TLCD4: variants seen among roughly 807,000 people sequenced by gnomAD.
TLCD4 encodes the protein TLC domain-containing protein 4.
A neutral mutation model predicts 24.2 loss-of-function variants in TLCD4; 7 were observed. The observed-to-expected ratio is 0.29, with a 90% confidence interval of 0.16 to 0.54. TLCD4 has a LOEUF of 0.54. Among genes scored for constraint, TLCD4 ranks in the 20% least tolerant of loss-of-function variants. The pLI, the probability that TLCD4 is intolerant of heterozygous loss-of-function variation, is 0.95. For missense variants in TLCD4, 259 were observed against 313.9 expected (o/e 0.82, Z 1.32); for synonymous variants, 103 against 106.4 (o/e 0.97, Z 0.20).
intron 6 of TLCD4, among the ~76,000 whole-genome samples, chr1:95,190,466 T>C (rs552417997): frequency 1.3e-5 from 2 of 152,216 alleles, no homozygotes; most frequent in African/African-American, 4.8e-5. Context: ...GTAGCTGGGA[T>C]TACAGGTGCC....
chr1:95,137,940 G>A (rs1336904999), intron 1 of TLCD4, among the ~76,000 whole-genome samples: 2 of 152,000 alleles, frequency 1.3e-5, no homozygotes, highest in African/African-American at 4.8e-5. Flanking sequence ...TCTTGTTAAT[G>A]TTGTCCAGGC....
At chr1:95,179,678 C>T (rs1187123840) in intron 6 of TLCD4, among the ~76,000 whole-genome samples, 2 of 152,102 alleles carry the variant, frequency 1.3e-5, no homozygotes, top group African/African-American at 2.4e-5. Context: ...AAATATGTAG[C>T]TTCCTTGGTT....
rs780541644 is a variant in TLCD4 at position 95,193,376 on chromosome 1, A to G, written c.*1508A>G. 6.6e-6 allele frequency: 1 copy of G among 152,122 alleles called. No homozygotes were observed. Among genetic ancestry groups the G allele is most frequent in the Non-Finnish European group, 1.5e-5 (1 of 67,966 alleles). 9.4% of individuals were successfully genotyped at this position (152,122 alleles called of 1,614,324 possible). On this transcript the variant is annotated 3_prime_UTR_variant, in exon 7 of 7. Transcript: ENST00000370203. ...ATTCTTGCAATCCAAATATAGAATT[A>G]TATATTTATCTATTATTGCCTTTAT...
chr1:95,133,349 C>T (rs558074725), intron 1 of TLCD4, among the ~76,000 whole-genome samples: 51 of 150,350 alleles, frequency 3.4e-4, no homozygotes, highest in Non-Finnish European at 5.0e-4. Flanking sequence ...CAAACCTGCA[C>T]GTTGTGCACA....
At chr1:95,176,673 C>T (rs900113734) in intron 6 of TLCD4, among the ~76,000 whole-genome samples, 3 of 152,072 alleles carry the variant, frequency 2.0e-5, no homozygotes, top group Middle Eastern at 3.2e-3. Context: ...TGTCAGTTTT[C>T]GTTTTTGTTG....
At chr1:95,156,759 A>G (rs1392706683) in intron 5 of TLCD4, among the ~76,000 whole-genome samples, 1 of 152,188 alleles carries the variant, frequency 6.6e-6, no homozygotes. Flanking sequence ...GAAAAGACCA[A>G]AATGATCCAG....
intron 5 of TLCD4, among the ~76,000 whole-genome samples, chr1:95,168,922 T>C (rs945305758): frequency 1.3e-5 from 2 of 152,214 alleles, no homozygotes; most frequent in African/African-American, 2.4e-5. Context: ...GCGGAGCCAA[T>C]TGACTGGGGG....
chr1:95,113,034 CTTTTCTTTCTTTTTT>C (rs1676367744), upstream of TLCD4, among the ~76,000 whole-genome samples: 5 of 149,218 alleles, frequency 3.4e-5, no homozygotes, highest in Non-Finnish European at 7.4e-5. Context: ...ATTTCTTTTT[CTTTTCTTTCTTTTTT>C]TTTTTTTTTT....
intron 1 of TLCD4, among the ~76,000 whole-genome samples, chr1:95,121,719 C>T (rs1160529266): frequency 6.6e-6 from 1 of 152,246 alleles, no homozygotes; most frequent in African/African-American, 2.4e-5. Flanking sequence ...ATCCGCCCAA[C>T]TCAGCCTCCC....
intron 6 of TLCD4, among the ~76,000 whole-genome samples, chr1:95,191,101 G>A (rs1679014231): frequency 6.6e-6 from 1 of 151,888 alleles, no homozygotes; most frequent in East Asian, 1.9e-4. Context: ...TTATAGTTTT[G>A]CATTTTACAT....
At chr1:95,162,257 G>A (rs1459048861) in intron 5 of TLCD4, among the ~76,000 whole-genome samples, 1 of 151,916 alleles carries the variant, frequency 6.6e-6, no homozygotes, top group Non-Finnish European at 1.5e-5. Context: ...ATTATGTAAT[G>A]GCCTTCTTTG....
intron 1 of TLCD4, among the ~76,000 whole-genome samples, chr1:95,132,143 C>T (rs569535473): frequency 2.6e-5 from 4 of 152,262 alleles, no homozygotes; most frequent in African/African-American, 9.6e-5. Flanking sequence ...CTAAATAAAC[C>T]TATTTTTCCT....
chr1:95,096,308 G>A, the TLCD4 span, among the ~76,000 whole-genome samples: 27,995 of 152,132 alleles, frequency 0.18, 2,935 homozygotes, highest in East Asian at 0.47. Context: ...AACCATTTAT[G>A]TATTGGCTGT....
chr1:95,142,640 C>T (rs1242381609), intron 1 of TLCD4, among the ~76,000 whole-genome samples: 1 of 152,052 alleles, frequency 6.6e-6, no homozygotes, highest in African/African-American at 2.4e-5. Flanking sequence ...TTGTACACCC[C>T]ATGCAAATGA....
chr1:95,095,972 CAAATT>C, the TLCD4 span, among the ~76,000 whole-genome samples: 2 of 152,146 alleles, frequency 1.3e-5, no homozygotes, highest in Admixed American at 1.3e-4. Context: ...GGAAGATAAA[CAAATT>C]AAGTTTAGAG....
In TLCD4 at chr1:95,189,713, T is replaced by C. The variant is rs534981864; in HGVS notation, c.474-1837T>C. 1.3e-4 allele frequency among the ~76,000 whole-genome samples: 20 copies of C among 152,336 alleles called. No homozygotes were observed. In the South Asian group the frequency reaches 4.1e-3, roughly 32 times the overall value. On this transcript the variant is annotated intron_variant, in intron 6 of 6. Coordinates refer to ENST00000370203, the MANE Select transcript of TLCD4 (RefSeq NM_152487.3). ...TTTAGATTCATTCTTGCTGTTACAT[T>C]GATAGTTTATTTTTATTGCTAAGTA... is the stretch of plus-strand genomic sequence containing the variant.
At chr1:95,106,612 G>A in the TLCD4 span, among the ~76,000 whole-genome samples, 48 of 152,270 alleles carry the variant, frequency 3.2e-4, no homozygotes, top group African/African-American at 1.0e-3. Flanking sequence ...AGGATTGCTT[G>A]AACGTGGGAT....
chr1:95,138,379 GGGA>G (rs1225408310), intron 1 of TLCD4: 2 of 152,112 alleles, frequency 1.3e-5, no homozygotes, highest in Admixed American at 1.3e-4. Context: ...CCCTATCTCT[GGGA>G]GTCCTCCTGC....
chr1:95,181,266 G>T (rs1266037749), intron 6 of TLCD4, among the ~76,000 whole-genome samples: 1 of 151,866 alleles, frequency 6.6e-6, no homozygotes, highest in East Asian at 1.9e-4. Context: ...TTAATATCTG[G>T]AATGATAGAA....
Sources: gnomAD v4.1 joint callset for allele counts (sites outside exome capture counted in the v4.1 genomes callset) on GRCh38, gnomAD v4.1.1 for gene constraint, MANE v1.5 for transcripts, NCBI Gene and HGNC (gene_info 2026-07-23, HGNC 2026-07-21) for gene names.